The following F10 variants were observed in gnomAD, a reference collection of about 807,000 sequenced individuals.
The protein encoded by F10 is Stuart-Prower factor.
F10 carries 29 observed loss-of-function variants against 37.1 expected under a neutral mutation model. The observed-to-expected ratio is 0.78, with a 90% CI of 0.58 to 1.07. The LOEUF is 1.07. Ranked by LOEUF, F10 falls within the 50% of genes least tolerant of loss-of-function variation. The pLI, the probability that F10 is intolerant of heterozygous loss-of-function variation, is 0.00. For missense variants in F10, 539 were observed against 667.9 expected, an observed-to-expected ratio of 0.81 and a Z score of 2.13; for synonymous variants, 262 against 268.6, an observed-to-expected ratio of 0.98 and a Z score of 0.24.
intron 7 of F10, among the ~76,000 whole-genome samples, chr13:113,148,344 AAAT>A (rs1227590100): frequency 8.6e-5 from 9 of 104,400 alleles, no homozygotes; most frequent in African/African-American, 3.4e-4. Flanking sequence ...AAAAAAAAAA[AAAT>A]ATATATATAT....
rs888335022 is a variant in F10, at chr13:113,143,778, C to T, written c.503-73C>T. Reference sequence around the variant, plus strand: ...CCTCCCGGCTCTCTGACTCTTCTCCCTCAGGGTGAGCTGTGCAGGCTATGG... The same window carrying T: ...CCTCCCGGCTCTCTGACTCTTCTCCTTCAGGGTGAGCTGTGCAGGCTATGG... On this transcript the variant is annotated intron_variant, in intron 5 of 7. Transcript: ENST00000375559. The surrounding 1 kb of genome is among the most constrained non-coding windows in gnomAD (Gnocchi z 6.8). The T allele has an allele frequency of 2.6e-5, 41 of 1,598,664 alleles. No homozygotes were observed. Among genetic ancestry groups the T allele is most frequent in the Non-Finnish European group, 1.7e-6 (2 of 1,178,626 alleles).
chr13:113,147,674 A>G (rs549482714), intron 7 of F10, among the ~76,000 whole-genome samples, 178 bp downstream of exon 7: 13 of 152,090 alleles, frequency 8.5e-5, no homozygotes, highest in Non-Finnish European at 8.8e-5. Flanking sequence ...GAAGGGGAAG[A>G]GTGGGGAGGA....
chr13:113,135,258 C>G (rs1215744069), intron 2 of F10, among the ~76,000 whole-genome samples: 1 of 148,750 alleles, frequency 6.7e-6, no homozygotes, highest in East Asian at 2.0e-4. Flanking sequence ...AAAAAAAAAA[C>G]AAAAGAAAAG....
At chr13:113,126,674 G>C (rs972032915) in intron 1 of F10, among the ~76,000 whole-genome samples, 2 of 152,202 alleles carry the variant, frequency 1.3e-5, no homozygotes, top group African/African-American at 2.4e-5. Context: ...TACCAAGAGA[G>C]GTGTTCACAT....
chr13:113,145,823 C>T lies in F10; in HGVS notation c.748-1556C>T, dbSNP rs117641709. Among the ~76,000 whole-genome samples, 52 of 152,312 alleles carry T rather than the reference C, an allele frequency of 3.4e-4. No homozygotes were observed. The East Asian group carries it at 8.3e-3, about 24-fold the overall frequency. ...TTCCACCAGAACAGCATGGGGAAACCGCCCTCACGATTCAGTTACCTCCCA... is the reference window on the plus strand; with the variant it reads ...TTCCACCAGAACAGCATGGGGAAACTGCCCTCACGATTCAGTTACCTCCCA... On this transcript the variant is annotated intron_variant, in intron 6 of 7. Coordinates refer to ENST00000375559, the MANE Select transcript of F10 (RefSeq NM_000504.4).
chr13:113,139,525 G>T lies in F10; in HGVS notation c.370+55G>T. The T allele has an allele frequency of 7.3e-7, 1 of 1,372,676 alleles. No individual in the cohort carries two copies. Among genetic ancestry groups the T allele is most frequent in the South Asian group, 1.2e-5 (1 of 85,830 alleles). The allele number at this position is 1,372,676 out of a possible 1,614,324, so 85.0% of individuals were successfully genotyped here. On this transcript the variant is annotated intron_variant, in intron 4 of 7. Coordinates refer to ENST00000375559, the MANE Select transcript of F10 (RefSeq NM_000504.4). The surrounding 1 kb of genome is among the most constrained non-coding windows in gnomAD (Gnocchi z 5.2). ...ATCAGATGCCCCTGAAGAGTGGCAG[G>T]TGGGCGGGGGAAGAAGTGAAAACGC...
At position 113,133,188 on chromosome 13, in the gene F10, GA is replaced by G. The variant is rs916141450; in HGVS notation, c.231+3583del. ...TGTAAGCTTCCACTTTAATAAACTA[GA>G]AAAAAAGAAAAAAATAAACCAAAAG... On this transcript the variant is annotated intron_variant, in intron 2 of 7. Coordinates refer to ENST00000375559, the MANE Select transcript of F10 (RefSeq NM_000504.4). Among the ~76,000 whole-genome samples the G allele has an allele frequency of 2.0e-5, 3 of 149,910 alleles. 1 individual carries two copies. In the South Asian group the frequency reaches 6.3e-4, roughly 32 times the overall value.
chr13:113,141,151 G>T lies in F10; in HGVS notation c.502+101G>T. ...GGGGACACAGGCATGTTCTGGGCGG[G>T]CCTGGCAGGTAACAGTGACACCAAG... On this transcript the variant is annotated intron_variant, in intron 5 of 7. Coordinates refer to ENST00000375559, the MANE Select transcript of F10 (RefSeq NM_000504.4). This position sits in a 1 kb window ranked among gnomAD's most constrained non-coding sequence, Gnocchi z 5.4. 1 of 1,540,538 alleles carries T rather than the reference G, an allele frequency of 6.5e-7. No homozygotes were observed.
Position 113,122,939 on chromosome 13 carries a change from G to T in F10, c.70+14G>T. The stretch of plus-strand genomic sequence containing the variant: ...TCGGGGAAAGTCGTAAGTGCCCCTC[G>T]CCCTTCAGACCCAAAAGCAGCGCCA... On this transcript the variant is annotated intron_variant, in intron 1 of 7. Transcript: ENST00000375559. 1 of 1,607,944 alleles carries T rather than the reference G, an allele frequency of 6.2e-7. No individual in the cohort carries two copies.
At position 113,148,944 on chromosome 13, in the gene F10, C is replaced by A. The variant is rs778741024; in HGVS notation, c.894C>A (p.Gly298=). The A allele has an allele frequency of 1.2e-6, 2 of 1,613,270 alleles. No homozygotes were observed. The highest frequency in any genetic ancestry group is 3.3e-5 in the Admixed American group (2 of 59,990). Residue 298 remains glycine (G), a synonymous_variant, in exon 8 of 8, where the codon GGC becomes GGA. Coordinates refer to ENST00000375559, the MANE Select transcript of F10 (RefSeq NM_000504.4). Reference sequence around the variant, plus strand: ...ACCGGAACACGGAGCAGGAGGAGGGCGGTGAGGCGGTGCACGAGGTGGAGG... The same window carrying A: ...ACCGGAACACGGAGCAGGAGGAGGGAGGTGAGGCGGTGCACGAGGTGGAGG... The part of the protein sequence containing the change: ...VGDRNTEQEE[G]GEAVHEVEVV...
Position 113,138,874 on chromosome 13 carries a change from C to T in F10, c.256+393C>T, listed in dbSNP as rs372061270. ...GGCCTCAGTCATGACTACCTGGTAA[C>T]AGTATTCACATTTCTCAAAATGACA... On this transcript the variant is annotated intron_variant, in intron 3 of 7. Coordinates refer to ENST00000375559, the MANE Select transcript of F10 (RefSeq NM_000504.4). 7.9e-5 allele frequency among the ~76,000 whole-genome samples: 12 copies of T among 152,350 alleles called. No homozygotes were observed. The East Asian group carries it at 2.1e-3, about 27-fold the overall frequency.
chr13:113,127,334 G>A (rs1339525923), intron 1 of F10, among the ~76,000 whole-genome samples: 1 of 152,320 alleles, frequency 6.6e-6, no homozygotes, highest in South Asian at 2.1e-4. Context: ...TGAGAGAGCT[G>A]AAAACATGGA....
chr13:113,138,566 C>A, intron 3 of F10, 85 bp downstream of exon 3: 1 of 918,810 alleles, frequency 1.1e-6, no homozygotes, highest in Non-Finnish European at 1.8e-6. Context: ...AATTTCCTTT[C>A]TGCTTTTGTT....
At chr13:113,138,647 A>G (rs919940723) in intron 3 of F10, among the ~76,000 whole-genome samples, 166 bp downstream of exon 3, 1 of 152,224 alleles carries the variant, frequency 6.6e-6, no homozygotes, top group Admixed American at 6.5e-5. Context: ...GAGTTTTTAG[A>G]GTAATTTTAT....
At chr13:113,129,341 G>A (rs941634385) in intron 1 of F10, 111 bp from the exon 2 acceptor site, 3 of 1,376,108 alleles carry the variant, frequency 2.2e-6, no homozygotes, top group African/African-American at 1.4e-5. Flanking sequence ...AGAGTGATCC[G>A]CCTTTTGTGA....
Position 113,149,054 on chromosome 13 carries a change from G to T in F10, c.1004G>T (p.Arg335Leu). The change falls in exon 8 of 8, where the codon CGC becomes CTC. Residue 335 changes from arginine (R) to leucine (L), a missense_variant. This residue lies in a region of F10 where 409 missense variants were observed against 547.9 expected (regional missense o/e 0.75). Transcript: ENST00000375559. The surrounding 1 kb of genome is among the most constrained non-coding windows in gnomAD (Gnocchi z 7.5). ...CGGCTCAAGACCCCCATCACCTTCCGCATGAACGTGGCGCCTGCCTGCCTC... is the reference window on the plus strand; with the variant it reads ...CGGCTCAAGACCCCCATCACCTTCCTCATGAACGTGGCGCCTGCCTGCCTC... ...VLRLKTPITF[R>L]MNVAPACLPE... is the part of the protein sequence containing the mutation. 1 of 1,613,400 alleles carries T rather than the reference G, an allele frequency of 6.2e-7. No homozygotes were observed. Among genetic ancestry groups the T allele is most frequent in the Non-Finnish European group, 8.5e-7 (1 of 1,180,032 alleles).
At position 113,143,765 on chromosome 13, in the gene F10, C is replaced by T; in HGVS notation, c.503-86C>T. 6.3e-7 allele frequency: 1 copy of T among 1,591,270 alleles called. No homozygotes were observed. The highest frequency in any genetic ancestry group is 1.7e-5 in the Admixed American group (1 of 59,712). On this transcript the variant is annotated intron_variant, in intron 5 of 7. Coordinates refer to ENST00000375559, the MANE Select transcript of F10 (RefSeq NM_000504.4). The surrounding 1 kb of genome is among the most constrained non-coding windows in gnomAD (Gnocchi z 6.8). ...CCCCTGCGCTCTGCCTCCCGGCTCT[C>T]TGACTCTTCTCCCTCAGGGTGAGCT... is the stretch of plus-strand genomic sequence containing the variant.
chr13:113,136,064 T>C (rs2480945), intron 2 of F10, among the ~76,000 whole-genome samples: 121,283 of 152,114 alleles, frequency 0.8, 48,845 homozygotes, highest in East Asian at 0.89. Flanking sequence ...AAATAAACAC[T>C]CAGTTAAACA....
intron 2 of F10, 133 bp downstream of exon 2, chr13:113,129,745 G>A: frequency 8.2e-7 from 1 of 1,214,370 alleles, no homozygotes. Context: ...TCAGGGGCGG[G>A]GCCCAGCAAA....
Sources: gnomAD v4.1 joint callset for allele counts (sites outside exome capture counted in the v4.1 genomes callset) on GRCh38, gnomAD v4.1.1 for gene constraint, gnomAD v4.1.1 regional missense constraint, Gnocchi (gnomAD v3.1) non-coding constraint, MANE v1.5 for transcripts, NCBI Gene and HGNC (gene_info 2026-07-23, HGNC 2026-07-21) for gene names.